LPIN1: variants seen among roughly 807,000 people sequenced by gnomAD.
LPIN1 encodes phosphatidate phosphatase LPIN1.
LPIN1 carries 71 observed loss-of-function variants against 107.5 expected under a neutral mutation model. That is an observed-to-expected ratio of 0.66 (90% CI 0.55 to 0.80). LPIN1 has a LOEUF of 0.80. Ranked by LOEUF, LPIN1 falls within the 30% of genes least tolerant of loss-of-function variation. The pLI, the probability that LPIN1 is intolerant of heterozygous loss-of-function variation, is 0.00. For missense variants in LPIN1, 1,043 were observed against 1,160.6 expected (o/e 0.90, Z 1.47); for synonymous variants, 445 against 452.6 (o/e 0.98, Z 0.21).
intron 14 of LPIN1, among the ~76,000 whole-genome samples, chr2:11,799,644 G>A (rs1166801531): frequency 6.6e-6 from 1 of 151,970 alleles, no homozygotes; most frequent in Non-Finnish European, 1.5e-5. Context: ...TTACAGATGA[G>A]CCCACTGAGG....
intron 14 of LPIN1, among the ~76,000 whole-genome samples, chr2:11,801,771 A>C (rs753425059): frequency 5.3e-5 from 8 of 152,350 alleles, no homozygotes; most frequent in Non-Finnish European, 4.4e-5. Flanking sequence ...TGTTCCCAAC[A>C]CAAAGAAATG....
At chr2:11,744,104 C>T (rs989413417), upstream of LPIN1, among the ~76,000 whole-genome samples, 2 of 152,256 alleles carry the variant, frequency 1.3e-5, no homozygotes, top group Admixed American at 6.5e-5. Flanking sequence ...CCTCTAGAAT[C>T]AGGATGCTTG....
intron 9 of LPIN1, 171 bp downstream of exon 9, chr2:11,784,093 T>G: frequency 8.7e-7 from 1 of 1,150,622 alleles, no homozygotes; most frequent in Admixed American, 2.4e-5. Flanking sequence ...TCACTTGAGG[T>G]CAGGAGTTCA....
At chr2:11,692,671 C>T (rs546959872) in intron 1 of LPIN1, among the ~76,000 whole-genome samples, 8 of 152,316 alleles carry the variant, frequency 5.3e-5, no homozygotes, top group Admixed American at 3.3e-4. Context: ...CTCTGCTTTC[C>T]TCCCAGGTAC....
chr2:11,771,506 T>A lies in LPIN1; in HGVS notation c.423T>A (p.Ala141=). The change falls in exon 4 of 21, where the codon GCT becomes GCA. Residue 141 remains alanine, a synonymous_variant. Transcript: ENST00000674199. The surrounding 1 kb of genome is among the most constrained non-coding windows in gnomAD (Gnocchi z 4.8). ...CCAGCACGCCAGCCCAAGTGATCGC[T>A]CCCAGCGAGACGCCGTCAAGCAGCT... ...LDPSTPAQVI[A]PSETPSSSSV... 1 of 1,613,992 alleles carries A rather than the reference T, an allele frequency of 6.2e-7. No homozygotes were observed. Among genetic ancestry groups the A allele is most frequent in the Non-Finnish European group, 8.5e-7 (1 of 1,179,990 alleles).
At chr2:11,811,940 G>T (rs769560266) in intron 17 of LPIN1, among the ~76,000 whole-genome samples, 1 of 152,078 alleles carries the variant, frequency 6.6e-6, no homozygotes, top group Non-Finnish European at 1.5e-5. Flanking sequence ...AGCTGAGATC[G>T]TGCCACTGCA....
chr2:11,723,286 G>T (rs971342501), upstream of LPIN1, among the ~76,000 whole-genome samples: 12 of 152,154 alleles, frequency 7.9e-5, no homozygotes, highest in African/African-American at 2.7e-4. Flanking sequence ...GTAGAGATTT[G>T]GTACTAGGCA....
intron 1 of LPIN1, among the ~76,000 whole-genome samples, chr2:11,691,764 A>G (rs1662283634): frequency 6.6e-6 from 1 of 152,260 alleles, no homozygotes; most frequent in Admixed American, 6.5e-5. Context: ...AAGGAAAGAA[A>G]GAATAGAGCC....
chr2:11,756,826 A>G (rs149525569), intron 1 of LPIN1, among the ~76,000 whole-genome samples: 7 of 152,374 alleles, frequency 4.6e-5, no homozygotes, highest in Non-Finnish European at 7.3e-5. Flanking sequence ...TGGTTCTAAC[A>G]TAAAACAGTT....
chr2:11,792,964 C>T (rs1026942653), intron 13 of LPIN1, among the ~76,000 whole-genome samples: 5 of 152,146 alleles, frequency 3.3e-5, no homozygotes, highest in African/African-American at 1.2e-4. Flanking sequence ...GTTAGGCCAC[C>T]TTTTCTCCTT....
chr2:11,794,240 G>A (rs558241993), intron 13 of LPIN1, among the ~76,000 whole-genome samples: 2 of 152,314 alleles, frequency 1.3e-5, no homozygotes, highest in South Asian at 4.2e-4. Context: ...AGAGCAGAAT[G>A]TTCTAGAATT....
chr2:11,810,507 G>T (rs1303616643), intron 17 of LPIN1, among the ~76,000 whole-genome samples: 2 of 152,192 alleles, frequency 1.3e-5, no homozygotes, highest in Non-Finnish European at 2.9e-5. Context: ...GTTGCAGAGC[G>T]CCTGGGAGGC....
intron 1 of LPIN1, among the ~76,000 whole-genome samples, chr2:11,758,418 C>T (rs890253679): frequency 6.6e-5 from 10 of 152,198 alleles, no homozygotes; most frequent in Admixed American, 2.0e-4. Flanking sequence ...CATATCCTTG[C>T]CAACACTTGT....
At chr2:11,802,498 A>G (rs2148697448) in intron 14 of LPIN1, among the ~76,000 whole-genome samples, 1 of 152,216 alleles carries the variant, frequency 6.6e-6, no homozygotes, top group East Asian at 1.9e-4. Flanking sequence ...TTATATAGGG[A>G]ACTGATGGAT....
chr2:11,795,591 C>T, intron 14 of LPIN1, 104 bp downstream of exon 14: 1 of 1,065,796 alleles, frequency 9.4e-7, no homozygotes, highest in Admixed American at 1.7e-5. Context: ...AGTTCCAACT[C>T]TGGCTCTGTG....
At chr2:11,785,771 C>T (rs1674460870) in intron 10 of LPIN1, among the ~76,000 whole-genome samples, 1 of 152,206 alleles carries the variant, frequency 6.6e-6, no homozygotes, top group Non-Finnish European at 1.5e-5. Flanking sequence ...CCCCTTCCAA[C>T]CAGGGCTGCC....
At chr2:11,815,029 G>A (rs1202838786) in intron 17 of LPIN1, 59 bp from the exon 18 acceptor site, 3 of 1,494,086 alleles carry the variant, frequency 2.0e-6, no homozygotes, top group Non-Finnish European at 2.8e-6. Flanking sequence ...CAGGATTTAT[G>A]AATGCAGAAA....
At chr2:11,678,538 A>T (rs1449565667) in intron 1 of LPIN1, among the ~76,000 whole-genome samples, 1 of 152,140 alleles carries the variant, frequency 6.6e-6, no homozygotes, top group African/African-American at 2.4e-5. Context: ...CAGCATGCTT[A>T]GGGGGCAGGG....
At chr2:11,716,218 G>A (rs1051707716) in intron 2 of LPIN1, among the ~76,000 whole-genome samples, 1 of 152,094 alleles carries the variant, frequency 6.6e-6, no homozygotes, top group African/African-American at 2.4e-5. Flanking sequence ...AGGTGGCTGG[G>A]GCATCAGGCA....
Sources: allele counts gnomAD v4.1 joint callset (sites outside exome capture counted in the v4.1 genomes callset), GRCh38; gene constraint gnomAD v4.1.1; non-coding constraint Gnocchi (gnomAD v3.1); transcripts MANE v1.5; gene names NCBI Gene and HGNC (gene_info 2026-07-23, HGNC 2026-07-21).